The following SRRM3 variants were observed in gnomAD, a reference collection of about 807,000 sequenced individuals.
The protein encoded by SRRM3 is serine/arginine repetitive matrix protein 3.
Under a neutral mutation model 66.2 loss-of-function variants are expected in SRRM3, and 27 were observed. That is an observed-to-expected ratio of 0.41 (90% CI 0.30 to 0.56). SRRM3 has a LOEUF of 0.56. SRRM3 is among the 20% of genes least tolerant of loss of function. The pLI, the probability that SRRM3 is intolerant of heterozygous loss-of-function variation, is 0.32. For synonymous variants in SRRM3, 391 were observed against 414.9 expected, an observed-to-expected ratio of 0.94 and a Z score of 0.70; for missense variants, 918 against 991.9, an observed-to-expected ratio of 0.93 and a Z score of 1.00.
At chr7:76,205,420 A>G (rs1249733818) in intron 1 of SRRM3, among the ~76,000 whole-genome samples, 1 of 152,014 alleles carries the variant, frequency 6.6e-6, no homozygotes, top group Non-Finnish European at 1.5e-5. Context: ...ATGTTGGCCA[A>G]GCTGCTCTCA....
Position 76,285,969 on chromosome 7 carries a change from T to G in SRRM3, c.*126T>G. 9.4e-7 allele frequency: 1 copy of G among 1,062,254 alleles called. No individual in the cohort carries two copies. The allele number at this position is 1,062,254 out of a possible 1,614,324, so 65.8% of individuals were successfully genotyped here. A position where few individuals can be genotyped will look rare whatever the true frequency, so the allele number is the denominator to read the frequency against. The stretch of plus-strand genomic sequence containing the variant: ...GGCTACAAAGAGGTCTCAGGGCCAG[T>G]GCACGGGCAGATGGGACCGGGGAAG... On this transcript the variant is annotated 3_prime_UTR_variant, in exon 15 of 15. Transcript: ENST00000611745. This position sits in a 1 kb window ranked among gnomAD's most constrained non-coding sequence, Gnocchi z 4.1.
chr7:76,232,095 C>T (rs1412713739), intron 1 of SRRM3, among the ~76,000 whole-genome samples: 8 of 152,206 alleles, frequency 5.3e-5, no homozygotes, highest in African/African-American at 1.7e-4. Flanking sequence ...TCTCTTGCCT[C>T]CTGTTGTCAC....
chr7:76,236,018 A>AAAAAAAAAAAAAC (rs1801141928), intron 2 of SRRM3, among the ~76,000 whole-genome samples: 1 of 141,866 alleles, frequency 7.0e-6, no homozygotes, highest in Non-Finnish European at 1.5e-5. Flanking sequence ...AAAAAAAAAA[A>AAAAAAAAAAAAAC]AAAAAAAAAA....
At chr7:76,225,934 A>ACTCT (rs1175571001) in intron 1 of SRRM3, among the ~76,000 whole-genome samples, 1 of 151,740 alleles carries the variant, frequency 6.6e-6, no homozygotes, top group Non-Finnish European at 1.5e-5. Flanking sequence ...CCCAAAGATC[A>ACTCT]CTCTCCTGTC....
intron 1 of SRRM3, among the ~76,000 whole-genome samples, chr7:76,216,678 G>C (rs1800578320): frequency 6.6e-6 from 1 of 152,230 alleles, no homozygotes; most frequent in Non-Finnish European, 1.5e-5. Flanking sequence ...TGCTTTCTGG[G>C]GAGGAGAGGT....
chr7:76,265,312 G>A, intron 9 of SRRM3, 52 bp from the exon 10 acceptor site: 2 of 1,424,396 alleles, frequency 1.4e-6, no homozygotes, highest in South Asian at 1.3e-5. Context: ...GGGCTGGGGG[G>A]ATCACGGGGG....
intron 10 of SRRM3, among the ~76,000 whole-genome samples, chr7:76,265,717 T>A (rs1250287079): frequency 1.4e-5 from 2 of 145,642 alleles, no homozygotes; most frequent in African/African-American, 5.1e-5. Flanking sequence ...CCTTCTTTAA[T>A]TAAAAGTAAT....
At chr7:76,263,877 CAAAA>C (rs781852712) in intron 8 of SRRM3, among the ~76,000 whole-genome samples, 2 of 49,524 alleles carry the variant, frequency 4.0e-5, no homozygotes, top group African/African-American at 6.0e-5. Flanking sequence ...TGTCTCAAGA[CAAAA>C]AAAAAAAAAA....
intron 1 of SRRM3, among the ~76,000 whole-genome samples, chr7:76,220,107 C>T (rs1010493166): frequency 4.6e-5 from 7 of 152,214 alleles, no homozygotes; most frequent in Non-Finnish European, 8.8e-5. Flanking sequence ...GGTGCAAACA[C>T]AGGCGGGGTC....
At chr7:76,216,798 G>A (rs1346489379) in intron 1 of SRRM3, among the ~76,000 whole-genome samples, 1 of 152,172 alleles carries the variant, frequency 6.6e-6, no homozygotes, top group African/African-American at 2.4e-5. Flanking sequence ...GCCCCTCGGG[G>A]GAGGAAAGAC....
Position 76,282,732 on chromosome 7 carries a change from G to A in SRRM3, c.1455G>A (p.Gly485=). The A allele has an allele frequency of 6.9e-7, 1 of 1,455,228 alleles. No homozygotes were observed. The highest frequency in any genetic ancestry group is 9.0e-7 in the Non-Finnish European group (1 of 1,109,148). The allele number at this position is 1,455,228 out of a possible 1,614,324, so 90.1% of individuals were successfully genotyped here. A position where few individuals can be genotyped will look rare whatever the true frequency, so the allele number is the denominator to read the frequency against. Reference sequence around the variant, plus strand: ...ACGGCCGGCGCGGCGGCCCAGAAGGGAAGAGCTCGTCGCGCAGCCCCGGCC... The same window carrying A: ...ACGGCCGGCGCGGCGGCCCAGAAGGAAAGAGCTCGTCGCGCAGCCCCGGCC... ...GAHGRRGGPE[G]KSSSRSPGPH... Residue 485 remains glycine (G), a synonymous_variant, in exon 13 of 15, where the codon GGG becomes GGA. Coordinates refer to ENST00000611745, the MANE Select transcript of SRRM3 (RefSeq NM_001110199.3).
intron 11 of SRRM3, among the ~76,000 whole-genome samples, chr7:76,275,987 G>A (rs1384288404): frequency 2.0e-5 from 3 of 152,074 alleles, no homozygotes; most frequent in Admixed American, 1.3e-4. Context: ...GGCTGAGGTG[G>A]GGGGATCACT....
chr7:76,282,584 C>T, intron 12 of SRRM3, 64 bp from the exon 13 acceptor site: 1 of 868,338 alleles, frequency 1.2e-6, no homozygotes, highest in Non-Finnish European at 1.6e-6. Context: ...CCAGGGAACC[C>T]TCCCCGCCCC....
intron 2 of SRRM3, among the ~76,000 whole-genome samples, chr7:76,242,716 T>A (rs896213855): frequency 6.6e-6 from 1 of 151,572 alleles, no homozygotes; most frequent in Non-Finnish European, 1.5e-5. Context: ...CAGTGACAGA[T>A]CATCAGGCAT....
intron 3 of SRRM3, among the ~76,000 whole-genome samples, chr7:76,249,878 A>T (rs1428304241): frequency 6.6e-6 from 1 of 152,030 alleles, no homozygotes; most frequent in Non-Finnish European, 1.5e-5. Flanking sequence ...AAATAATAAT[A>T]AAATAATAAT....
At chr7:76,283,385 CTCTGTACTTGGG>C (rs1182334628) in intron 14 of SRRM3, 22 of 544,796 alleles carry the variant, frequency 4.0e-5, no homozygotes, top group Non-Finnish European at 7.3e-5. Context: ...GGGGAGGGGG[CTCTGTACTTGGG>C]TCTGGGTGGG....
At chr7:76,240,552 G>A (rs982112875) in intron 2 of SRRM3, among the ~76,000 whole-genome samples, 10 of 151,178 alleles carry the variant, frequency 6.6e-5, no homozygotes, top group African/African-American at 1.5e-4. Flanking sequence ...CCCGGGAGGC[G>A]GAGCTTGCAG....
chr7:76,285,260 C>T lies in SRRM3; in HGVS notation c.1734-355C>T. 4.0e-6 allele frequency: 1 copy of T among 249,596 alleles called. No individual in the cohort carries two copies. The highest frequency in any genetic ancestry group is 7.9e-6 in the Non-Finnish European group (1 of 126,914). 15.5% of individuals were successfully genotyped at this position (249,596 alleles called of 1,614,324 possible). A position where few individuals can be genotyped will look rare whatever the true frequency, so the allele number is the denominator to read the frequency against. The stretch of plus-strand genomic sequence containing the variant: ...TGTATTTTTAGTAGAGACAGGGTTT[C>T]ATTATGTTGGCCAGACTGGTCTCAA... On this transcript the variant is annotated intron_variant, in intron 14 of 14. Transcript: ENST00000611745. This position sits in a 1 kb window ranked among gnomAD's most constrained non-coding sequence, Gnocchi z 4.1.
chr7:76,260,840 C>A, intron 5 of SRRM3, 34 bp from the exon 6 acceptor site: 2 of 1,553,536 alleles, frequency 1.3e-6, no homozygotes, highest in East Asian at 2.4e-5. Flanking sequence ...CCCCATCCAT[C>A]CGTCTGTCCT....
Sources: gnomAD v4.1 joint callset for allele counts (sites outside exome capture counted in the v4.1 genomes callset) on GRCh38, gnomAD v4.1.1 for gene constraint, Gnocchi (gnomAD v3.1) non-coding constraint, MANE v1.5 for transcripts, NCBI Gene and HGNC (gene_info 2026-07-23, HGNC 2026-07-21) for gene names.